Variants in WWP1 observed in about 807,000 individuals in gnomAD.
The protein encoded by WWP1 is NEDD4-like E3 ubiquitin-protein ligase WWP1.
In WWP1, 49 loss-of-function variants were observed where a neutral mutation model predicts 130.6. That is an observed-to-expected ratio of 0.38 (90% CI 0.30 to 0.48). The LOEUF (loss-of-function observed/expected upper bound fraction) is 0.48, where lower values mean the gene tolerates loss of function less well. Among genes scored for constraint, WWP1 ranks in the 20% least tolerant of loss-of-function variants. WWP1 has a pLI of 0.99. For missense variants in WWP1, 809 were observed against 1,100.6 expected (o/e 0.74, Z 3.75); for synonymous variants, 332 against 367.8 (o/e 0.90, Z 1.11).
At chr8:86,454,505 T>G (rs1811337001) in intron 21 of WWP1, among the ~76,000 whole-genome samples, 1 of 152,112 alleles carries the variant, frequency 6.6e-6, no homozygotes, top group Non-Finnish European at 1.5e-5. Flanking sequence ...ATTAGAAGAT[T>G]AGCATGGAAG....
At chr8:86,431,255 TATATA>T (rs1220670033) in intron 12 of WWP1, 146 bp from the exon 13 acceptor site, 1 of 167,822 alleles carries the variant, frequency 6.0e-6, no homozygotes, top group African/African-American at 2.5e-5. Context: ...TATTATATTC[TATATA>T]ATATATTCTA....
rs144376260 is a variant in WWP1 at position 86,350,615 on chromosome 8, C to T, written c.-115+7685C>T. Among the ~76,000 whole-genome samples, 36 of 152,296 alleles carry T rather than the reference C, an allele frequency of 2.4e-4. 1 individual carries two copies. In the East Asian group the frequency reaches 3.1e-3, roughly 13 times the overall value. ...ACAAAGAAGGGCACGGATAGAGTTACATGAAGGTGCTTCTTGATGGCTGTC... is the reference window on the plus strand; with the variant it reads ...ACAAAGAAGGGCACGGATAGAGTTATATGAAGGTGCTTCTTGATGGCTGTC... On this transcript the variant is annotated intron_variant, in intron 1 of 24. Transcript: ENST00000517970.
Position 86,374,072 on chromosome 8 carries a change from T to C in WWP1, c.22T>C (p.Ser8Pro). ...GGACATGGCCACTGCTTCACCAAGG[T>C]CTGATACTAGTAATAACCACAGTGG... MATASPR[S>P]DTSNNHSGRL... The change falls in exon 3 of 25, where the codon TCT (serine) becomes CCT (proline). Residue 8 changes from serine to proline, a missense_variant. Around this residue, in one of 3 missense-constraint regions of WWP1, gnomAD observed 262 missense variants for 346.0 expected, o/e 0.76. Transcript: ENST00000517970. 1 of 1,610,134 alleles carries C rather than the reference T, an allele frequency of 6.2e-7. No individual in the cohort carries two copies. Among genetic ancestry groups the C allele is most frequent in the Non-Finnish European group, 8.5e-7 (1 of 1,178,748 alleles).
At chr8:86,377,501 A>T (rs1420261805) in intron 3 of WWP1, among the ~76,000 whole-genome samples, 4 of 147,114 alleles carry the variant, frequency 2.7e-5, no homozygotes, top group Admixed American at 1.4e-4. Flanking sequence ...CCCTAAGCCA[A>T]TTTTTTTTTT....
chr8:86,437,283 A>C (rs1342457197), intron 16 of WWP1, among the ~76,000 whole-genome samples: 1 of 152,234 alleles, frequency 6.6e-6, no homozygotes, highest in African/African-American at 2.4e-5. Context: ...AAGATTATGA[A>C]AATTTGGTAT....
At chr8:86,432,594 C>G (rs1205625294) in intron 14 of WWP1, among the ~76,000 whole-genome samples, 4 of 148,798 alleles carry the variant, frequency 2.7e-5, no homozygotes, top group African/African-American at 7.4e-5. Context: ...CCAATGTGTT[C>G]AATCGCAGTT....
chr8:86,386,231 A>C (rs1052662492), intron 5 of WWP1, among the ~76,000 whole-genome samples: 1 of 152,058 alleles, frequency 6.6e-6, no homozygotes, highest in Non-Finnish European at 1.5e-5. Context: ...GTGTGTTTTT[A>C]TATTTCATTC....
intron 17 of WWP1, among the ~76,000 whole-genome samples, chr8:86,442,040 A>G (rs1810620743): frequency 2.0e-5 from 3 of 152,180 alleles, no homozygotes. Context: ...TAATGCAATG[A>G]CAATAAAGTT....
chr8:86,347,298 T>A (rs544489439), intron 1 of WWP1, among the ~76,000 whole-genome samples: 1 of 152,354 alleles, frequency 6.6e-6, no homozygotes, highest in East Asian at 1.9e-4. Flanking sequence ...TCATTGCTTT[T>A]TGGATGAATA....
chr8:86,446,195 T>A (rs1465344727), intron 18 of WWP1, among the ~76,000 whole-genome samples: 2 of 152,122 alleles, frequency 1.3e-5, no homozygotes, highest in Admixed American at 1.3e-4. Context: ...TTGGCCGGGC[T>A]GGTCTCGAAC....
intron 1 of WWP1, among the ~76,000 whole-genome samples, chr8:86,351,505 G>GC (rs549380002): frequency 7.1e-6 from 1 of 141,408 alleles, no homozygotes; most frequent in Non-Finnish European, 1.6e-5. Flanking sequence ...TGCTCAGCTA[G>GC]TTTTTTTTTT....
intron 14 of WWP1, among the ~76,000 whole-genome samples, chr8:86,434,550 C>A (rs1810178986): frequency 6.6e-6 from 1 of 152,176 alleles, no homozygotes; most frequent in Non-Finnish European, 1.5e-5. Flanking sequence ...CTTCTCATAT[C>A]ACTCCTTATA....
chr8:86,442,841 TAA>T (rs71275852), intron 18 of WWP1, 63 bp downstream of exon 18: 117,730 of 1,161,234 alleles, frequency 0.1, 772 homozygotes, highest in Middle Eastern at 0.14. Flanking sequence ...AGAAGGCTTT[TAA>T]AAAAAAAAAA....
chr8:86,419,013 G>T (rs764084203), intron 9 of WWP1, among the ~76,000 whole-genome samples: 4 of 152,010 alleles, frequency 2.6e-5, no homozygotes, highest in Admixed American at 2.0e-4. Context: ...CCCCACCCAG[G>T]CACATAAAAC....
chr8:86,442,792 T>C lies in WWP1; in HGVS notation c.1998+14T>C, dbSNP rs1810657839. The C allele has an allele frequency of 1.3e-6, 2 of 1,571,260 alleles. No individual in the cohort carries two copies. Among genetic ancestry groups the C allele is most frequent in the Middle Eastern group, 1.8e-4 (1 of 5,674 alleles). On this transcript the variant is annotated intron_variant, in intron 18 of 24. Coordinates refer to ENST00000517970, the MANE Select transcript of WWP1 (RefSeq NM_007013.4). ...TTTATTGCCATGGTGAGTTCCTGAC[T>C]TTATTATTATTTATTTAAGTTTGTT...
At chr8:86,397,976 G>A (rs556344528) in intron 5 of WWP1, among the ~76,000 whole-genome samples, 83 of 152,272 alleles carry the variant, frequency 5.5e-4, no homozygotes, top group African/African-American at 1.9e-3. Context: ...CAGCCAATAA[G>A]TAGCAGAACT....
At chr8:86,401,354 A>G (rs529712220) in intron 7 of WWP1, among the ~76,000 whole-genome samples, 199 of 152,138 alleles carry the variant, frequency 1.3e-3, no homozygotes, top group African/African-American at 4.6e-3. Context: ...GAGGCCAGGA[A>G]TTTGAGACCA....
At position 86,435,624 on chromosome 8, in the gene WWP1, T is replaced by C; in HGVS notation, c.1678-9T>C. ...TCAGATGATATTATGATATTATTTT[T>C]GTTTTTAGTCTAATGCACTACCTAG... On this transcript the variant is annotated splice_polypyrimidine_tract_variant and intron_variant, in intron 15 of 24. Transcript: ENST00000517970. The C allele has an allele frequency of 6.2e-7, 1 of 1,613,050 alleles. No homozygotes were observed. Among genetic ancestry groups the C allele is most frequent in the South Asian group, 1.1e-5 (1 of 90,906 alleles).
In WWP1 at chr8:86,425,334, T is replaced by C. The variant is rs182039699; in HGVS notation, c.1157+16T>C. 2 of 1,569,928 alleles carry C rather than the reference T, an allele frequency of 1.3e-6. No individual in the cohort carries two copies. The highest frequency in any genetic ancestry group is 1.7e-6 in the Non-Finnish European group (2 of 1,154,516). The stretch of plus-strand genomic sequence containing the variant: ...TACCTCCAGGGTAATATAGCACTCT[T>C]TATGCATTTGTAATTATATTTTATC... On this transcript the variant is annotated intron_variant, in intron 10 of 24. Transcript: ENST00000517970.
Sources: gnomAD v4.1 joint callset for allele counts (sites outside exome capture counted in the v4.1 genomes callset) on GRCh38, gnomAD v4.1.1 for gene constraint, gnomAD v4.1.1 regional missense constraint, MANE v1.5 for transcripts, NCBI Gene and HGNC (gene_info 2026-07-23, HGNC 2026-07-21) for gene names.